PCMT1: variants seen among roughly 807,000 people sequenced by gnomAD.
PCMT1 encodes the protein protein-L-isoaspartate (D-aspartate) O-methyltransferase, also known as protein-L-isoaspartate(D-aspartate) O-methyltransferase.
In PCMT1, 9 loss-of-function variants were observed where a neutral mutation model predicts 29.2. The ratio of observed to expected loss-of-function variants is 0.31; its 90% CI spans 0.19 to 0.54. The LOEUF (loss-of-function observed/expected upper bound fraction) is 0.54, where lower values mean the gene tolerates loss of function less well. Ranked by LOEUF, PCMT1 falls within the 20% of genes least tolerant of loss-of-function variation. The pLI, the probability that PCMT1 is intolerant of heterozygous loss-of-function variation, is 0.95. For synonymous variants in PCMT1, 98 were observed against 97.5 expected, an observed-to-expected ratio of 1.00 and a Z score of -0.03; for missense variants, 184 against 282.2, an observed-to-expected ratio of 0.65 and a Z score of 2.49.
At chr6:149,780,277 G>A (rs1562410225) in intron 3 of PCMT1, among the ~76,000 whole-genome samples, 1 of 151,748 alleles carries the variant, frequency 6.6e-6, no homozygotes, top group African/African-American at 2.4e-5. Flanking sequence ...GGAGATGGAG[G>A]CTGCAGTGAG....
intron 1 of PCMT1, chr6:149,765,591 T>C (rs1787046531): frequency 3.9e-6 from 1 of 259,530 alleles, no homozygotes; most frequent in Non-Finnish European, 7.4e-6. Flanking sequence ...TTAAAAAATA[T>C]TCATTGTTAC....
intron 7 of PCMT1, among the ~76,000 whole-genome samples, chr6:149,804,251 A>G (rs1338475874): frequency 6.6e-6 from 1 of 152,026 alleles, no homozygotes; most frequent in Non-Finnish European, 1.5e-5. Flanking sequence ...AAAGGGGCAA[A>G]TATGTTACTG....
In PCMT1 at chr6:149,762,956, GTATATCTATGATATATATGATATA is replaced by G. The variant is rs746165125; in HGVS notation, c.56-8156_56-8133del. 5.3e-3 allele frequency among the ~76,000 whole-genome samples: 215 copies of G among 40,880 alleles called. 47 individuals are homozygous for G. The highest frequency in any genetic ancestry group is 0.026 in the African/African-American group (101 of 3,918). The allele number at this position is 40,880 out of a possible 152,430, so 26.8% of individuals were successfully genotyped here. ...TATATGATATATATATCTATGATAT[GTATATCTATGATATATATGATATA>G]TATATCTATGATATATATGATATAT... On this transcript the variant is annotated intron_variant, in intron 1 of 7. Transcript: ENST00000464889.
At chr6:149,785,380 A>T (rs1195771689) in intron 3 of PCMT1, among the ~76,000 whole-genome samples, 3 of 134,942 alleles carry the variant, frequency 2.2e-5, no homozygotes, top group African/African-American at 5.7e-5. Flanking sequence ...TTTAATTTAA[A>T]TGTGGTATGT....
rs12174035 is a variant in PCMT1 at position 149,763,311 on chromosome 6, A to T, written c.56-7851A>T. Among the ~76,000 whole-genome samples, 2 of 40,064 alleles carry T rather than the reference A, an allele frequency of 5.0e-5. 1 individual carries two copies. 26.3% of individuals were successfully genotyped at this position (40,064 alleles called of 152,430 possible). A position where few individuals can be genotyped will look rare whatever the true frequency, so the allele number is the denominator to read the frequency against. On this transcript the variant is annotated intron_variant, in intron 1 of 7. Coordinates refer to ENST00000464889, the MANE Select transcript of PCMT1 (RefSeq NM_001360452.2). ...TCTATGATATATATATCTATGATAT[A>T]TATATCATAGATTACCAATGACAGA...
At position 149,749,813 on chromosome 6, in the gene PCMT1, T is replaced by C. The variant is rs1446605958; in HGVS notation, c.-89T>C. On this transcript the variant is annotated 5_prime_UTR_variant, in exon 1 of 8. Coordinates refer to ENST00000464889, the MANE Select transcript of PCMT1 (RefSeq NM_001360452.2). ...GGGGACGCGAGCGGGGCGGTGACGG[T>C]GTGGGAGGTGGTCTCACTCTTGGGA... is the stretch of plus-strand genomic sequence containing the variant. The C allele has an allele frequency of 1.3e-6, 2 of 1,554,364 alleles. No homozygotes were observed. The highest frequency in any genetic ancestry group is 1.7e-6 in the Non-Finnish European group (2 of 1,148,424).
chr6:149,785,399 TTC>T (rs1787986247), intron 3 of PCMT1, among the ~76,000 whole-genome samples: 1 of 148,864 alleles, frequency 6.7e-6, no homozygotes, highest in African/African-American at 2.5e-5. Flanking sequence ...GTTTATTCAG[TTC>T]TTTTTTTTTA....
chr6:149,779,125 C>A (rs116444774), intron 3 of PCMT1, among the ~76,000 whole-genome samples: 1 of 152,068 alleles, frequency 6.6e-6, no homozygotes, highest in East Asian at 1.9e-4. Flanking sequence ...AGAGGCTTAT[C>A]TGTGTTCCAT....
chr6:149,789,950 G>A lies in PCMT1; in HGVS notation c.193-4G>A, dbSNP rs1268341857. The A allele has an allele frequency of 7.6e-6, 12 of 1,579,660 alleles. No homozygotes were observed. The highest frequency in any genetic ancestry group is 7.7e-6 in the Non-Finnish European group (9 of 1,163,250). On this transcript the variant is annotated splice_region_variant and splice_polypyrimidine_tract_variant and intron_variant, in intron 3 of 7. Coordinates refer to ENST00000464889, the MANE Select transcript of PCMT1 (RefSeq NM_001360452.2). Reference sequence around the variant, plus strand: ...TTAATGAATATTTTGTTTTCTTTTGGCAGCATGCATATGCGCTAGAACTTC... The same window carrying A: ...TTAATGAATATTTTGTTTTCTTTTGACAGCATGCATATGCGCTAGAACTTC...
chr6:149,761,954 G>C (rs1786759052), intron 1 of PCMT1, among the ~76,000 whole-genome samples: 1 of 152,058 alleles, frequency 6.6e-6, no homozygotes, highest in South Asian at 2.1e-4. Context: ...CTTGCCCTTT[G>C]TTTCCTATAT....
chr6:149,760,120 G>A (rs1228262254), intron 1 of PCMT1, among the ~76,000 whole-genome samples: 1 of 152,006 alleles, frequency 6.6e-6, no homozygotes, highest in African/African-American at 2.4e-5. Context: ...TTTTCCTAGT[G>A]TACTGATTTC....
At chr6:149,801,598 C>T (rs902476437) in intron 6 of PCMT1, among the ~76,000 whole-genome samples, 1 of 152,038 alleles carries the variant, frequency 6.6e-6, no homozygotes, top group African/African-American at 2.4e-5. Flanking sequence ...AGGCATCTGA[C>T]ACCATGCCTG....
chr6:149,809,835 A>G (rs1281677302), intron 7 of PCMT1, among the ~76,000 whole-genome samples: 2 of 152,036 alleles, frequency 1.3e-5, no homozygotes, highest in Admixed American at 6.5e-5. Flanking sequence ...TTCTTAAACC[A>G]CTTGAGACTT....
At chr6:149,772,408 A>T in intron 2 of PCMT1, 1 of 313,740 alleles carries the variant, frequency 3.2e-6, no homozygotes, top group Non-Finnish European at 6.2e-6. Flanking sequence ...GTTTTTTTTT[A>T]AGTTGACAGA....
chr6:149,790,620 C>G (rs1188527512), intron 4 of PCMT1, among the ~76,000 whole-genome samples: 1 of 150,416 alleles, frequency 6.6e-6, no homozygotes, highest in African/African-American at 2.5e-5. Context: ...GTAGGGGACT[C>G]TCTACAGTAC....
intron 3 of PCMT1, among the ~76,000 whole-genome samples, chr6:149,786,409 G>A (rs1159188628): frequency 1.5e-5 from 2 of 129,222 alleles, no homozygotes; most frequent in Non-Finnish European, 3.3e-5. Context: ...CTGGCCGGGC[G>A]GGGGCTGACC....
chr6:149,754,394 A>G (rs191910436), intron 1 of PCMT1, among the ~76,000 whole-genome samples: 87 of 152,290 alleles, frequency 5.7e-4, no homozygotes, highest in African/African-American at 2.1e-3. Flanking sequence ...GAATGTGACT[A>G]TTTAAATAAT....
intron 3 of PCMT1, among the ~76,000 whole-genome samples, chr6:149,775,388 A>C (rs1176609344): frequency 6.6e-6 from 1 of 152,150 alleles, no homozygotes; most frequent in Non-Finnish European, 1.5e-5. Context: ...TGCGGAGAAA[A>C]AATGTTATAA....
At chr6:149,790,516 CTT>C (rs80356200) in intron 4 of PCMT1, among the ~76,000 whole-genome samples, 5 of 137,234 alleles carry the variant, frequency 3.6e-5, no homozygotes, top group East Asian at 2.1e-4. Context: ...GTTTTCTTTT[CTT>C]TTTTTTTTTT....
Sources: gnomAD v4.1 joint callset for allele counts (sites outside exome capture counted in the v4.1 genomes callset) on GRCh38, gnomAD v4.1.1 for gene constraint, MANE v1.5 for transcripts, NCBI Gene and HGNC (gene_info 2026-07-23, HGNC 2026-07-21) for gene names.